FNIP2: variants seen among roughly 807,000 people sequenced by gnomAD.
FNIP2 encodes the protein folliculin-interacting protein 2.
In FNIP2, 32 loss-of-function variants were observed where a neutral mutation model predicts 108.7. That is an observed-to-expected ratio of 0.29 (90% confidence interval 0.22 to 0.40). The LOEUF is 0.40. FNIP2 is among the 10% of genes least tolerant of loss of function. FNIP2 has a pLI of 1.00. For synonymous variants in FNIP2, 480 were observed against 496.7 expected, an observed-to-expected ratio of 0.97 and a Z score of 0.45; for missense variants, 1,202 against 1,381.6, an observed-to-expected ratio of 0.87 and a Z score of 2.06.
At position 158,861,589 on chromosome 4, in the gene FNIP2, T is replaced by G. The variant is rs1287919717; in HGVS notation, c.1296-18T>G. 2 of 1,613,838 alleles carry G rather than the reference T, an allele frequency of 1.2e-6. No homozygotes were observed. The highest frequency in any genetic ancestry group is 2.7e-5 in the African/African-American group (2 of 74,926). On this transcript the variant is annotated intron_variant, in intron 11 of 16. Transcript: ENST00000264433. Reference sequence around the variant, plus strand: ...CTGTATTGACTAAGTTGGTTGTATCTTTTTCCATTTCTCCAAGGTTTTTTG... The same window carrying G: ...CTGTATTGACTAAGTTGGTTGTATCGTTTTCCATTTCTCCAAGGTTTTTTG...
intron 7 of FNIP2, among the ~76,000 whole-genome samples, chr4:158,850,765 T>G (rs556111513): frequency 6.6e-6 from 1 of 150,858 alleles, no homozygotes; most frequent in Admixed American, 6.6e-5. Context: ...GGAGGAAATA[T>G]GTGTAAAGTA....
At chr4:158,849,842 T>A (rs775931809) in intron 7 of FNIP2, among the ~76,000 whole-genome samples, 1 of 151,082 alleles carries the variant, frequency 6.6e-6, no homozygotes, top group African/African-American at 2.4e-5. Flanking sequence ...AAGCATTTGC[T>A]AATTGCCTAC....
At chr4:158,855,570 C>A (rs1779939201) in intron 8 of FNIP2, among the ~76,000 whole-genome samples, 1 of 152,228 alleles carries the variant, frequency 6.6e-6, no homozygotes, top group Non-Finnish European at 1.5e-5. Flanking sequence ...GCCTCAGCCT[C>A]CTGAGTACCT....
chr4:158,790,061 A>G (rs1776359466), intron 1 of FNIP2, among the ~76,000 whole-genome samples: 1 of 152,034 alleles, frequency 6.6e-6, no homozygotes, highest in Non-Finnish European at 1.5e-5. Context: ...CTACATATGC[A>G]AAATTATTAA....
At chr4:158,898,769 G>A (rs538636941) in intron 16 of FNIP2, among the ~76,000 whole-genome samples, 2 of 152,324 alleles carry the variant, frequency 1.3e-5, no homozygotes, top group Admixed American at 1.3e-4. Flanking sequence ...ATACAATCAT[G>A]TCATCTGCAA....
chr4:158,844,912 T>C (rs1445441745), intron 7 of FNIP2, among the ~76,000 whole-genome samples: 4 of 152,242 alleles, frequency 2.6e-5, no homozygotes, highest in African/African-American at 2.4e-5. Flanking sequence ...GATTCTCTTT[T>C]CTTGTTGTTA....
chr4:158,785,155 A>G (rs9884798), intron 1 of FNIP2, among the ~76,000 whole-genome samples: 53,371 of 145,520 alleles, frequency 0.37, 10,040 homozygotes, highest in Middle Eastern at 0.46. Flanking sequence ...GCACGATCTC[A>G]GTTCATTGCA....
At chr4:158,779,571 GTT>G (rs11358822) in intron 1 of FNIP2, among the ~76,000 whole-genome samples, 146 of 120,034 alleles carry the variant, frequency 1.2e-3, no homozygotes, top group South Asian at 1.5e-3. Flanking sequence ...GTTGGTCGTG[GTT>G]TTTTTTTTTT....
chr4:158,851,525 C>T (rs1779700917), intron 8 of FNIP2, 75 bp downstream of exon 8: 7 of 1,573,484 alleles, frequency 4.4e-6, no homozygotes, highest in East Asian at 4.5e-5. Context: ...GGAGGCTGTT[C>T]GTGCCTATTG....
intron 16 of FNIP2, among the ~76,000 whole-genome samples, chr4:158,899,481 G>A (rs1230059152): frequency 2.6e-5 from 4 of 152,166 alleles, no homozygotes. Flanking sequence ...ATCTGGTCCT[G>A]GACATTTTTT....
rs574660578 is a variant in FNIP2, at chr4:158,881,626, T to A, written c.2950-9820T>A. On this transcript the variant is annotated intron_variant, in intron 14 of 16. Coordinates refer to ENST00000264433, the MANE Select transcript of FNIP2 (RefSeq NM_020840.3). ...CCGCCACGCCTGACTGGTTTTCGTATTTTTTTGGTGGAGACGGGGTTTCAC... is the reference window on the plus strand; with the variant it reads ...CCGCCACGCCTGACTGGTTTTCGTAATTTTTTGGTGGAGACGGGGTTTCAC... Among the ~76,000 whole-genome samples, 1,222 of 152,298 alleles carry A rather than the reference T, an allele frequency of 8.0e-3. 19 individuals are homozygous for A. Among genetic ancestry groups the A allele is most frequent in the African/African-American group, 0.028 (1,162 of 41,568 alleles).
intron 1 of FNIP2, among the ~76,000 whole-genome samples, chr4:158,819,582 A>C (rs915462958): frequency 2.0e-5 from 3 of 152,276 alleles, no homozygotes; most frequent in Non-Finnish European, 2.9e-5. Context: ...TAGGGGAAGA[A>C]AGGAGAGCCA....
chr4:158,806,782 G>A (rs2126491446), intron 1 of FNIP2, among the ~76,000 whole-genome samples: 1 of 152,344 alleles, frequency 6.6e-6, no homozygotes, highest in Non-Finnish European at 1.5e-5. Flanking sequence ...TAGCAGCACA[G>A]TTAGTAGATG....
Position 158,835,430 on chromosome 4 carries a change from A to C in FNIP2, c.681A>C (p.Pro227=). The change falls in exon 7 of 17, where the codon CCA becomes CCC. Residue 227 remains proline, a synonymous_variant. Coordinates refer to ENST00000264433, the MANE Select transcript of FNIP2 (RefSeq NM_020840.3). The stretch of plus-strand genomic sequence containing the variant: ...CACACAGCACACCAGTTGATATGCC[A>C]AGCAGAGGACAGAATGAAGACAGGG... The part of the protein sequence containing the change: ...NLAHSTPVDM[P]SRGQNEDRDS... The C allele has an allele frequency of 6.2e-7, 1 of 1,612,550 alleles. No homozygotes were observed. The highest frequency in any genetic ancestry group is 8.5e-7 in the Non-Finnish European group (1 of 1,179,092).
At chr4:158,840,097 A>G (rs1422479102) in intron 7 of FNIP2, among the ~76,000 whole-genome samples, 2 of 152,162 alleles carry the variant, frequency 1.3e-5, no homozygotes, top group Non-Finnish European at 2.9e-5. Context: ...AGGTTGCATC[A>G]GCAAAGTTCA....
At chr4:158,802,615 A>G (rs1776800154) in intron 1 of FNIP2, among the ~76,000 whole-genome samples, 2 of 152,232 alleles carry the variant, frequency 1.3e-5, no homozygotes, top group African/African-American at 2.4e-5. Flanking sequence ...ACAGAAATGC[A>G]TGAATACTTA....
chr4:158,846,598 T>C (rs1221814882), intron 7 of FNIP2, among the ~76,000 whole-genome samples: 1 of 152,196 alleles, frequency 6.6e-6, no homozygotes, highest in Non-Finnish European at 1.5e-5. Context: ...CTGTCTTGTG[T>C]TGTAGGGGCA....
intron 7 of FNIP2, among the ~76,000 whole-genome samples, chr4:158,848,211 G>T (rs1578908385): frequency 6.6e-6 from 1 of 152,310 alleles, no homozygotes; most frequent in East Asian, 1.9e-4. Context: ...CTTCAGGTCT[G>T]CCCCAATACA....
intron 7 of FNIP2, among the ~76,000 whole-genome samples, chr4:158,839,880 A>G (rs1237931257): frequency 6.6e-6 from 1 of 152,158 alleles, no homozygotes; most frequent in Non-Finnish European, 1.5e-5. Context: ...CACTTATAGA[A>G]TGTCTTTGGA....
Sources: gnomAD v4.1 joint callset for allele counts (sites outside exome capture counted in the v4.1 genomes callset) on GRCh38, gnomAD v4.1.1 for gene constraint, MANE v1.5 for transcripts, NCBI Gene and HGNC (gene_info 2026-07-23, HGNC 2026-07-21) for gene names.